Variants in GLG1 observed in about 807,000 individuals in gnomAD.
GLG1 encodes the protein golgi glycoprotein 1.
In GLG1, 38 loss-of-function variants were observed where a neutral mutation model predicts 160.5. The observed-to-expected ratio is 0.24, with a 90% CI of 0.18 to 0.31. The LOEUF (loss-of-function observed/expected upper bound fraction) is 0.31, where lower values mean the gene tolerates loss of function less well. Ranked by LOEUF, GLG1 falls within the 10% of genes least tolerant of loss-of-function variation. The probability of loss-of-function intolerance (pLI) is 1.00; values close to 1 mark genes in which losing one functional copy is unlikely to be tolerated. For missense variants in GLG1, 1,373 were observed against 1,505.2 expected, an observed-to-expected ratio of 0.91 and a Z score of 1.45; for synonymous variants, 644 against 543.4, an observed-to-expected ratio of 1.19 and a Z score of -2.57.
At chr16:74,496,686 A>C (rs1305096768) in intron 4 of GLG1, 42 bp from the exon 5 acceptor site, 1 of 1,233,200 alleles carries the variant, frequency 8.1e-7, no homozygotes. Flanking sequence ...CTTTTATCAC[A>C]TGGGTTTCAA....
chr16:74,583,231 T>A (rs895044767), intron 1 of GLG1, among the ~76,000 whole-genome samples: 3 of 152,224 alleles, frequency 2.0e-5, no homozygotes, highest in Non-Finnish European at 4.4e-5. Flanking sequence ...TATAGCCTTA[T>A]AAGCAGGATG....
At chr16:74,543,955 A>G (rs143157759) in intron 1 of GLG1, among the ~76,000 whole-genome samples, 6,083 of 152,332 alleles carry the variant, frequency 0.04, 177 homozygotes, top group Middle Eastern at 0.085. Context: ...TGCAAATCTA[A>G]TATGATTCCA....
chr16:74,567,825 C>T (rs1268709285), intron 1 of GLG1, among the ~76,000 whole-genome samples: 1 of 151,992 alleles, frequency 6.6e-6, no homozygotes, highest in East Asian at 1.9e-4. Context: ...GCCTCGGCCT[C>T]CCAAAGTGCT....
chr16:74,484,692 G>A (rs941677331), intron 9 of GLG1, among the ~76,000 whole-genome samples: 2 of 152,064 alleles, frequency 1.3e-5, no homozygotes, highest in Non-Finnish European at 2.9e-5. Context: ...ACTGGGATCC[G>A]GGAGGCAGAG....
rs1482000200 is a variant in GLG1 at position 74,452,492 on chromosome 16, C to T, written c.*675G>A. On this transcript the variant is annotated 3_prime_UTR_variant, in exon 26 of 26. Transcript: ENST00000422840. ...GAGGAGACCACAGAAATACCCATGG[C>T]TGTGGGGCTGTGACCAGCAGTGGCT... 4.8e-6 allele frequency: 5 copies of T among 1,041,716 alleles called. No individual in the cohort carries two copies. Among genetic ancestry groups the T allele is most frequent in the Non-Finnish European group, 5.8e-6 (5 of 862,590 alleles). 64.5% of individuals were successfully genotyped at this position (1,041,716 alleles called of 1,614,324 possible).
At chr16:74,589,983 T>C (rs1270846576) in intron 1 of GLG1, among the ~76,000 whole-genome samples, 2 of 127,146 alleles carry the variant, frequency 1.6e-5, no homozygotes, top group Non-Finnish European at 3.2e-5. Flanking sequence ...GTACAAATTC[T>C]TGAAACTTCA....
intron 1 of GLG1, among the ~76,000 whole-genome samples, chr16:74,537,300 T>TG (rs1327653281): frequency 6.6e-6 from 1 of 152,124 alleles, no homozygotes; most frequent in Non-Finnish European, 1.5e-5. Flanking sequence ...ACCAAGTACT[T>TG]GGAGACACCT....
intron 1 of GLG1, among the ~76,000 whole-genome samples, chr16:74,567,609 C>T (rs1203944695): frequency 4.0e-5 from 5 of 126,368 alleles, no homozygotes; most frequent in South Asian, 5.3e-4. Flanking sequence ...TCGCCCAGGT[C>T]GGACTGCGGA....
chr16:74,525,732 T>G (rs1352872712), intron 2 of GLG1, among the ~76,000 whole-genome samples: 2 of 148,386 alleles, frequency 1.3e-5, no homozygotes, highest in African/African-American at 2.5e-5. Context: ...GTTGGAAGAG[T>G]TTTTGTATGA....
chr16:74,518,573 G>GT (rs1220354249), intron 2 of GLG1, among the ~76,000 whole-genome samples: 2 of 152,098 alleles, frequency 1.3e-5, no homozygotes, highest in African/African-American at 4.8e-5. Context: ...AGGCTTAAAC[G>GT]TAAGACCTAG....
intron 1 of GLG1, among the ~76,000 whole-genome samples, chr16:74,538,180 G>A (rs2017737818): frequency 6.7e-6 from 1 of 149,538 alleles, no homozygotes; most frequent in Non-Finnish European, 1.5e-5. Flanking sequence ...TCCCTCAGGA[G>A]AAAACAAACA....
chr16:74,474,716 C>T (rs577255238), intron 12 of GLG1, 84 bp from the exon 13 acceptor site: 2 of 775,456 alleles, frequency 2.6e-6, no homozygotes, highest in Admixed American at 3.5e-5. Context: ...CATGACACTT[C>T]CCTTTTCAGT....
In GLG1 at chr16:74,606,757, G is replaced by A. The variant is rs146839377; in HGVS notation, c.338C>T (p.Ala113Val). The change falls in exon 1 of 26, where the codon GCG becomes GTG. Residue 113 changes from alanine (A) to valine (V), a missense_variant. By Grantham distance (64) the Ala-to-Val change is moderately conservative (BLOSUM62 0). Transcript: ENST00000422840. The part of the protein sequence containing the change: ...GAGAGGGWKL[A>V]EEESCREDVT... ...GTCCTCCCTGCAGGACTCTTCCTCCGCCAGCTTCCAGCCCCCACCAGCCCC... is the reference window on the plus strand; with the variant it reads ...GTCCTCCCTGCAGGACTCTTCCTCCACCAGCTTCCAGCCCCCACCAGCCCC... 7.5e-5 allele frequency: 121 copies of A among 1,612,962 alleles called. No homozygotes were observed. The East Asian group carries it at 2.4e-3, about 32-fold the overall frequency.
At chr16:74,512,609 C>A (rs1179507758) in intron 2 of GLG1, among the ~76,000 whole-genome samples, 1 of 151,700 alleles carries the variant, frequency 6.6e-6, no homozygotes. Context: ...TTCATCCATC[C>A]CAAACGTGTA....
At position 74,465,822 on chromosome 16, in the gene GLG1, A is replaced by AT; in HGVS notation, c.2530-10_2530-9insA. 1 of 1,613,142 alleles carries AT rather than the reference A, an allele frequency of 6.2e-7. No individual in the cohort carries two copies. The highest frequency in any genetic ancestry group is 8.5e-7 in the Non-Finnish European group (1 of 1,179,182). On this transcript the variant is annotated splice_polypyrimidine_tract_variant and intron_variant, in intron 18 of 25. Transcript: ENST00000422840. ...TTCAGACATTCGATAATCTATGGCA[A>AT]AAGAGTTATAGTCAAGTTGAGAGAT... is the stretch of plus-strand genomic sequence containing the variant.
intron 22 of GLG1, among the ~76,000 whole-genome samples, chr16:74,460,777 C>T (rs1354465419): frequency 6.6e-6 from 1 of 152,216 alleles, no homozygotes; most frequent in Non-Finnish European, 1.5e-5. Context: ...AACACTGAGA[C>T]TTGAGTCAGA....
chr16:74,591,337 A>T (rs1318864134), intron 1 of GLG1, among the ~76,000 whole-genome samples: 3 of 150,300 alleles, frequency 2.0e-5, no homozygotes, highest in East Asian at 2.0e-4. Context: ...TCTCAAAAAA[A>T]AAAAATAAAG....
chr16:74,605,297 G>A (rs1263918170), intron 1 of GLG1, among the ~76,000 whole-genome samples: 2 of 151,314 alleles, frequency 1.3e-5, no homozygotes, highest in Non-Finnish European at 2.9e-5. Flanking sequence ...TACACATGAA[G>A]GATATATACA....
chr16:74,506,444 T>C (rs1405796752), intron 3 of GLG1, among the ~76,000 whole-genome samples: 1 of 151,388 alleles, frequency 6.6e-6, no homozygotes, highest in Non-Finnish European at 1.5e-5. Context: ...TAGCCATGTG[T>C]GGTAGCAGGT....
Sources: allele counts gnomAD v4.1 joint callset (sites outside exome capture counted in the v4.1 genomes callset), GRCh38; gene constraint gnomAD v4.1.1; transcripts MANE v1.5; gene names NCBI Gene and HGNC (gene_info 2026-07-23, HGNC 2026-07-21).